Variants in ANKS1B observed in about 807,000 individuals in gnomAD.
The protein encoded by ANKS1B is ankyrin repeat and sterile alpha motif domain containing 1B, also known as ankyrin repeat and sterile alpha motif domain-containing protein 1B.
A neutral mutation model predicts 148.3 loss-of-function variants in ANKS1B; 36 were observed. The ratio of observed to expected loss-of-function variants is 0.24; its 90% confidence interval spans 0.19 to 0.32. ANKS1B has a LOEUF of 0.32. ANKS1B is among the 10% of genes least tolerant of loss of function. ANKS1B has a pLI of 1.00. For missense variants in ANKS1B, 1,157 were observed against 1,542.6 expected (o/e 0.75, Z 4.19); for synonymous variants, 542 against 560.8 (o/e 0.97, Z 0.47).
rs147726570 is a variant in ANKS1B at position 99,931,269 on chromosome 12, C to G, written c.134+52835G>C. Among the ~76,000 whole-genome samples, 625 of 152,018 alleles carry G rather than the reference C, an allele frequency of 4.1e-3. 4 individuals are homozygous for G. The highest frequency in any genetic ancestry group is 0.014 in the African/African-American group (594 of 41,432). On this transcript the variant is annotated intron_variant, in intron 1 of 26. Transcript: ENST00000683438. ...TGATGAGTTAATGGTTGCAGCACACCAACGTGGCACATGTATACATATGTA... is the reference window on the plus strand; with the variant it reads ...TGATGAGTTAATGGTTGCAGCACACGAACGTGGCACATGTATACATATGTA...
At chr12:99,790,178 T>C (rs2065473413) in intron 4 of ANKS1B, among the ~76,000 whole-genome samples, 1 of 152,154 alleles carries the variant, frequency 6.6e-6, no homozygotes, top group Non-Finnish European at 1.5e-5. Context: ...GACTTTTCAA[T>C]GGAAATCTTA....
chr12:99,252,979 T>C (rs11109778), intron 12 of ANKS1B, among the ~76,000 whole-genome samples: 49,210 of 151,960 alleles, frequency 0.32, 9,490 homozygotes, highest in African/African-American at 0.54. Flanking sequence ...ACCCCAACAG[T>C]TTGGGAGGCC....
chr12:99,539,822 C>T (rs1295672815), intron 9 of ANKS1B, among the ~76,000 whole-genome samples: 1 of 152,048 alleles, frequency 6.6e-6, no homozygotes, highest in East Asian at 1.9e-4. Context: ...TTCTGCCTCA[C>T]TCTGCCTGCC....
At chr12:99,639,606 C>A (rs536951289) in intron 9 of ANKS1B, among the ~76,000 whole-genome samples, 1 of 152,226 alleles carries the variant, frequency 6.6e-6, no homozygotes, top group East Asian at 1.9e-4. Flanking sequence ...GGGACAGTTA[C>A]CCCCATCCTG....
chr12:99,545,462 T>C (rs2097163633), intron 9 of ANKS1B, among the ~76,000 whole-genome samples: 1 of 152,016 alleles, frequency 6.6e-6, no homozygotes, highest in Admixed American at 6.6e-5. Flanking sequence ...CATTTAAGCC[T>C]CTCTGGGTTT....
intron 1 of ANKS1B, among the ~76,000 whole-genome samples, chr12:99,845,174 A>C (rs1162344371): frequency 6.7e-6 from 1 of 149,856 alleles, no homozygotes; most frequent in Non-Finnish European, 1.5e-5. Context: ...CGTTATCTGC[A>C]AACAAAGATA....
At chr12:99,850,170 C>T (rs569286939) in intron 1 of ANKS1B, among the ~76,000 whole-genome samples, 43 of 152,048 alleles carry the variant, frequency 2.8e-4, no homozygotes, top group Non-Finnish European at 4.7e-4. Flanking sequence ...TAAGAATTTT[C>T]AGTCATTTCA....
At chr12:99,979,263 A>C (rs1203334977) in intron 1 of ANKS1B, among the ~76,000 whole-genome samples, 1 of 152,144 alleles carries the variant, frequency 6.6e-6, no homozygotes, top group Non-Finnish European at 1.5e-5. Flanking sequence ...AAAGAAATAT[A>C]TACTTGTCCA....
chr12:98,791,945 A>C (rs772728717), intron 22 of ANKS1B, among the ~76,000 whole-genome samples: 14 of 152,220 alleles, frequency 9.2e-5, no homozygotes, highest in Non-Finnish European at 2.1e-4. Context: ...ACTTTTTCAA[A>C]GTTTTCCAAC....
At chr12:99,328,215 T>G (rs1444323808) in intron 12 of ANKS1B, among the ~76,000 whole-genome samples, 1 of 152,008 alleles carries the variant, frequency 6.6e-6, no homozygotes, top group Non-Finnish European at 1.5e-5. Flanking sequence ...GTTTATTGCC[T>G]TGAGAGAGTC....
At chr12:99,193,836 C>T (rs2081059472) in intron 14 of ANKS1B, among the ~76,000 whole-genome samples, 1 of 107,342 alleles carries the variant, frequency 9.3e-6, no homozygotes, top group South Asian at 3.3e-4. Context: ...GAGTCTTGCT[C>T]TGTCACCCAG....
At position 99,339,234 on chromosome 12, in the gene ANKS1B, G is replaced by C. The variant is rs375397920; in HGVS notation, c.1756+60397C>G. Among the ~76,000 whole-genome samples, 114 of 152,224 alleles carry C rather than the reference G, an allele frequency of 7.5e-4. 2 individuals are homozygous for C. The South Asian group carries it at 0.021, about 28-fold the overall frequency. On this transcript the variant is annotated intron_variant, in intron 12 of 26. Coordinates refer to ENST00000683438, the MANE Select transcript of ANKS1B (RefSeq NM_001352186.2). Reference sequence around the variant, plus strand: ...GAACGGATAATTCCCCTCTGACTAGGGATGCTCTAAGTGCTCCCTCATAGG... The same window carrying C: ...GAACGGATAATTCCCCTCTGACTAGCGATGCTCTAAGTGCTCCCTCATAGG...
At position 99,493,968 on chromosome 12, in the gene ANKS1B, AAAG is replaced by A. The variant is rs1265144715; in HGVS notation, c.1438+10505_1438+10507del. 7.9e-5 allele frequency among the ~76,000 whole-genome samples: 12 copies of A among 152,282 alleles called. No homozygotes were observed. In the East Asian group the frequency reaches 1.5e-3, roughly 20 times the overall value. On this transcript the variant is annotated intron_variant, in intron 10 of 26. Transcript: ENST00000683438. ...ATAATTTATAGAGAGAAAAAAGTAAAAAGAATAAAGAGGACTGTTTACGAGCCT... is the reference window on the plus strand; with the variant it reads ...ATAATTTATAGAGAGAAAAAAGTAAAAATAAAGAGGACTGTTTACGAGCCT...
chr12:99,454,762 A>G (rs1451905533), intron 10 of ANKS1B, among the ~76,000 whole-genome samples: 1 of 152,230 alleles, frequency 6.6e-6, no homozygotes, highest in Admixed American at 6.5e-5. Context: ...GGAGTCTTGT[A>G]GAATTTTACC....
intron 14 of ANKS1B, among the ~76,000 whole-genome samples, chr12:99,199,718 C>T (rs1601619851): frequency 1.3e-5 from 2 of 152,076 alleles, no homozygotes; most frequent in East Asian, 3.8e-4. Flanking sequence ...ATTTTCCTGA[C>T]AGAAAAAGAG....
chr12:99,123,359 C>T (rs1271606352), intron 15 of ANKS1B, among the ~76,000 whole-genome samples: 2 of 152,120 alleles, frequency 1.3e-5, no homozygotes, highest in Non-Finnish European at 2.9e-5. Context: ...TAGCAGGGCA[C>T]AAGCTCTGAG....
At chr12:98,862,116 A>C (rs1375735245) in intron 17 of ANKS1B, among the ~76,000 whole-genome samples, 2 of 152,056 alleles carry the variant, frequency 1.3e-5, no homozygotes, top group African/African-American at 4.8e-5. Context: ...TTTTTCTCTA[A>C]ATTGTGTTTG....
intron 17 of ANKS1B, among the ~76,000 whole-genome samples, chr12:98,909,665 T>G (rs973336698): frequency 6.6e-6 from 1 of 152,182 alleles, no homozygotes; most frequent in African/African-American, 2.4e-5. Context: ...AAAAAATATA[T>G]AGCATAACTC....
rs1212864922 is a variant in ANKS1B, at chr12:99,402,769, T to C, written c.1576-2958A>G. 3.4e-5 allele frequency among the ~76,000 whole-genome samples: 5 copies of C among 146,456 alleles called. 1 individual carries two copies. Among genetic ancestry groups the C allele is most frequent in the Non-Finnish European group, 6.0e-5 (4 of 66,264 alleles). The stretch of plus-strand genomic sequence containing the variant: ...ATGTCTTTCATATTGTGAATAGTGC[T>C]GCAATGAACATACGCATGACGTGTC... On this transcript the variant is annotated intron_variant, in intron 11 of 26. Transcript: ENST00000683438.
Sources: allele counts gnomAD v4.1 joint callset (sites outside exome capture counted in the v4.1 genomes callset), GRCh38; gene constraint gnomAD v4.1.1; transcripts MANE v1.5; gene names NCBI Gene and HGNC (gene_info 2026-07-23, HGNC 2026-07-21).